MAPKBP1: variants seen among roughly 807,000 people sequenced by gnomAD.
MAPKBP1 encodes the protein mitogen-activated protein kinase-binding protein 1.
MAPKBP1 carries 71 observed loss-of-function variants against 170.5 expected under a neutral mutation model. The ratio of observed to expected loss-of-function variants is 0.42; its 90% CI spans 0.34 to 0.51. The LOEUF (loss-of-function observed/expected upper bound fraction) is 0.51, where lower values mean the gene tolerates loss of function less well. Ranked by LOEUF, MAPKBP1 falls within the 20% of genes least tolerant of loss-of-function variation. The pLI is 0.06. For synonymous variants in MAPKBP1, 719 were observed against 757.9 expected (o/e 0.95, Z 0.84); for missense variants, 1,598 against 1,933.0 (o/e 0.83, Z 3.25).
intron 11 of MAPKBP1, 24 bp from the exon 12 acceptor site, chr15:41,815,600 A>G (rs1270401918): frequency 1.1e-5 from 17 of 1,605,632 alleles, no homozygotes; most frequent in Non-Finnish European, 1.4e-5. Context: ...TGCCTCATCC[A>G]CCTTTTCTAA....
chr15:41,803,434 A>AAAAAAAAAAAAAG (rs58804270), intron 3 of MAPKBP1, among the ~76,000 whole-genome samples: 8,789 of 90,468 alleles, frequency 0.097, 2,429 homozygotes, highest in East Asian at 0.38. Context: ...AAAAAAAAAA[A>AAAAAAAAAAAAAG]AGGTTAAGCA....
At position 41,817,139 on chromosome 15, in the gene MAPKBP1, C is replaced by A; in HGVS notation, c.1711+104C>A. ...CTGCCCATTGTGGGGGAGTGTTGGA[C>A]AGCAGCTGGGAGGCCTGGAGCTGGT... On this transcript the variant is annotated intron_variant, in intron 14 of 30. Transcript: ENST00000457542. This position sits in a 1 kb window ranked among gnomAD's most constrained non-coding sequence, Gnocchi z 4.2. The A allele has an allele frequency of 6.7e-7, 1 of 1,502,416 alleles. No homozygotes were observed. The highest frequency in any genetic ancestry group is 8.9e-7 in the Non-Finnish European group (1 of 1,121,392). The allele number at this position is 1,502,416 out of a possible 1,614,324, so 93.1% of individuals were successfully genotyped here. A position where few individuals can be genotyped will look rare whatever the true frequency, so the allele number is the denominator to read the frequency against.
chr15:41,813,903 C>G, intron 9 of MAPKBP1, 122 bp downstream of exon 9: 1 of 1,170,702 alleles, frequency 8.5e-7, no homozygotes, highest in Non-Finnish European at 1.2e-6. Context: ...GGGAACACCT[C>G]TTTAGACAGA....
chr15:41,806,766 G>A (rs909444785), intron 3 of MAPKBP1, among the ~76,000 whole-genome samples: 1 of 152,236 alleles, frequency 6.6e-6, no homozygotes, highest in Non-Finnish European at 1.5e-5. Flanking sequence ...ACCCTGCTGG[G>A]CAGGGTCAGG....
At chr15:41,785,910 A>G (rs1010868661) in intron 2 of MAPKBP1, among the ~76,000 whole-genome samples, 14 of 152,146 alleles carry the variant, frequency 9.2e-5, no homozygotes, top group African/African-American at 3.4e-4. Flanking sequence ...CTGTGCAGAC[A>G]CTCATACTGC....
chr15:41,785,101 G>A (rs1046449736), intron 2 of MAPKBP1, among the ~76,000 whole-genome samples: 1 of 152,070 alleles, frequency 6.6e-6, no homozygotes, highest in African/African-American at 2.4e-5. Context: ...AGCTATAAGG[G>A]GTTGCTAATA....
In MAPKBP1 at chr15:41,799,470, A is replaced by G. The variant is rs369582486; in HGVS notation, c.115-353A>G. 7.9e-5 allele frequency among the ~76,000 whole-genome samples: 12 copies of G among 152,286 alleles called. No individual in the cohort carries two copies. The East Asian group carries it at 2.1e-3, about 27-fold the overall frequency. On this transcript the variant is annotated intron_variant, in intron 2 of 30. Coordinates refer to ENST00000457542, the MANE Select transcript of MAPKBP1 (RefSeq NM_014994.3). ...GCCTCACCCAAGTCTCACAGACCCA[A>G]GAGTCTAGTCTGGGGATCCCAGGCT...
intron 2 of MAPKBP1, among the ~76,000 whole-genome samples, chr15:41,778,618 G>A (rs929491189): frequency 3.3e-5 from 5 of 152,220 alleles, no homozygotes; most frequent in African/African-American, 1.2e-4. Context: ...GTGACTTGAA[G>A]TTATCAGTAA....
In MAPKBP1 at chr15:41,817,527, C is replaced by A. The variant is rs142189694; in HGVS notation, c.1782+69C>A. ...GTCTGCCATTCCCTGCCTAAGGTTA[C>A]AAGAGGTGAAGGGAGGCGCAAGTAG... On this transcript the variant is annotated intron_variant, in intron 15 of 30. Transcript: ENST00000457542. The surrounding 1 kb of genome is among the most constrained non-coding windows in gnomAD (Gnocchi z 4.2). 155 of 1,613,654 alleles carry A rather than the reference C, an allele frequency of 9.6e-5. No individual in the cohort carries two copies. In the African/African-American group the frequency reaches 1.9e-3, roughly 20 times the overall value.
Position 41,817,421 on chromosome 15 carries a change from G to A in MAPKBP1, c.1745G>A (p.Gly582Glu). The A allele has an allele frequency of 6.2e-7, 1 of 1,613,192 alleles. No homozygotes were observed. Reference protein sequence around the residue: ...SDGQVRMISCGADKSIYFRTA... With the variant: ...SDGQVRMISCEADKSIYFRTA... ...GGGCAAGTCCGCATGATCAGCTGTGGAGCAGACAAGAGCATCTACTTCCGC... is the reference window on the plus strand; with the variant it reads ...GGGCAAGTCCGCATGATCAGCTGTGAAGCAGACAAGAGCATCTACTTCCGC... The change falls in exon 15 of 31, where the codon GGA becomes GAA. Residue 582 changes from glycine (G) to glutamate (E), a missense_variant. Transcript: ENST00000457542. The surrounding 1 kb of genome is among the most constrained non-coding windows in gnomAD (Gnocchi z 4.2).
At chr15:41,819,557 G>GGGGGGGGGGA in intron 21 of MAPKBP1, 38 bp from the exon 22 acceptor site, 2 of 1,384,688 alleles carry the variant, frequency 1.4e-6, no homozygotes, top group South Asian at 2.4e-5. Flanking sequence ...CGGGGGGGGG[G>GGGGGGGGGGA]CAGGAGACAC....
At chr15:41,803,434 A>AAAAAAACAAAAAAAAAG (rs58804270) in intron 3 of MAPKBP1, among the ~76,000 whole-genome samples, 1 of 90,758 alleles carries the variant, frequency 1.1e-5, no homozygotes, top group Non-Finnish European at 2.0e-5. Flanking sequence ...AAAAAAAAAA[A>AAAAAAACAAAAAAAAAG]AGGTTAAGCA....
chr15:41,801,027 G>A (rs772550898), intron 3 of MAPKBP1, among the ~76,000 whole-genome samples: 25 of 152,200 alleles, frequency 1.6e-4, no homozygotes, highest in Non-Finnish European at 3.1e-4. Context: ...GAGCCACCAC[G>A]CCTGGCCAGC....
intron 2 of MAPKBP1, among the ~76,000 whole-genome samples, chr15:41,786,455 A>G (rs2064288934): frequency 6.6e-6 from 1 of 152,104 alleles, no homozygotes; most frequent in Non-Finnish European, 1.5e-5. Flanking sequence ...AGTTATGCAC[A>G]AATGCTATTG....
At chr15:41,775,018 C>G in intron 1 of MAPKBP1, 149 bp from the exon 2 acceptor site, 2 of 449,802 alleles carry the variant, frequency 4.4e-6, no homozygotes, top group Non-Finnish European at 7.8e-6. Flanking sequence ...TTTTCGTGAG[C>G]CTTTCCTTCC....
intron 13 of MAPKBP1, 40 bp downstream of exon 13, chr15:41,816,690 C>T (rs756788943): frequency 1.3e-6 from 2 of 1,564,208 alleles, no homozygotes; most frequent in South Asian, 1.1e-5. Flanking sequence ...CTCCTCCAGT[C>T]CTGCCGGTGC....
chr15:41,811,965 C>T lies in MAPKBP1; in HGVS notation c.336C>T (p.His112=), dbSNP rs2064814281. 1 of 1,614,160 alleles carries T rather than the reference C, an allele frequency of 6.2e-7. No homozygotes were observed. Among genetic ancestry groups the T allele is most frequent in the East Asian group, 2.2e-5 (1 of 44,892 alleles). ...TTCTTGCCTCCCTGCAGAGTGGGCACATGCCTGCCGTGCGGGTTTGGGACG... is the reference window on the plus strand; with the variant it reads ...TTCTTGCCTCCCTGCAGAGTGGGCATATGCCTGCCGTGCGGGTTTGGGACG... ...GKYLVTGESG[H]MPAVRVWDVA... Residue 112 remains histidine (H), a synonymous_variant, in exon 6 of 31, where the codon CAC becomes CAT. Coordinates refer to ENST00000457542, the MANE Select transcript of MAPKBP1 (RefSeq NM_014994.3).
intron 2 of MAPKBP1, among the ~76,000 whole-genome samples, chr15:41,781,136 C>T (rs150742747): frequency 1.7e-4 from 26 of 150,666 alleles, no homozygotes; most frequent in African/African-American, 4.4e-4. Flanking sequence ...AGTGCAGTGG[C>T]GTGATCTCAG....
intron 2 of MAPKBP1, among the ~76,000 whole-genome samples, chr15:41,793,438 A>G (rs568417450): frequency 6.6e-6 from 1 of 152,308 alleles, no homozygotes; most frequent in East Asian, 1.9e-4. Flanking sequence ...GTGCCACTGC[A>G]CTCCAGTCTG....
Sources: allele counts gnomAD v4.1 joint callset (sites outside exome capture counted in the v4.1 genomes callset), GRCh38; gene constraint gnomAD v4.1.1; non-coding constraint Gnocchi (gnomAD v3.1); transcripts MANE v1.5; gene names NCBI Gene and HGNC (gene_info 2026-07-23, HGNC 2026-07-21).